The following IRAG1 variants were observed in gnomAD, a reference collection of about 807,000 sequenced individuals.
IRAG1 encodes the protein IP3R-associated cGMP kinase substrate.
Under a neutral mutation model 106.2 loss-of-function variants are expected in IRAG1, and 62 were observed. That is an observed-to-expected ratio of 0.58 (90% confidence interval 0.48 to 0.72). The LOEUF (loss-of-function observed/expected upper bound fraction) is 0.72, where lower values mean the gene tolerates loss of function less well. Ranked by LOEUF, IRAG1 falls within the 30% of genes least tolerant of loss-of-function variation. The probability of loss-of-function intolerance (pLI) is 0.00; values close to 1 mark genes in which losing one functional copy is unlikely to be tolerated. For missense variants in IRAG1, 1,064 were observed against 1,140.7 expected, an observed-to-expected ratio of 0.93 and a Z score of 0.97; for synonymous variants, 462 against 443.9, an observed-to-expected ratio of 1.04 and a Z score of -0.51.
At chr11:10,687,495 G>C (rs1476770024) in intron 1 of IRAG1, 2 of 341,768 alleles carry the variant, frequency 5.9e-6, no homozygotes, top group East Asian at 2.0e-4. Flanking sequence ...TGCAATATTA[G>C]AAAACCTACT....
In IRAG1 at chr11:10,626,239, T is replaced by C. The variant is rs1325166246; in HGVS notation, c.1095A>G (p.Pro365=). The C allele has an allele frequency of 6.2e-7, 1 of 1,604,558 alleles. No individual in the cohort carries two copies. The highest frequency in any genetic ancestry group is 1.1e-5 in the South Asian group (1 of 90,368). The change falls in exon 9 of 21, where the codon CCA becomes CCG. Residue 365 remains proline (P), a synonymous_variant. Coordinates refer to ENST00000423302, the MANE Select transcript of IRAG1 (RefSeq NM_130385.4). ...VGPPASQGRG[P]AGEPMGPEAG... The stretch of plus-strand genomic sequence containing the variant: ...CCTCGGGCCCCATCGGCTCTCCAGC[T>C]GGGCCTCTCCCCTGGGAGGCTGGGG...
rs993337055 is a variant in IRAG1, at chr11:10,585,928, C to T, written c.2241-3942G>A. 6 of 151,366 alleles carry T rather than the reference C, an allele frequency of 4.0e-5. No homozygotes were observed. In the South Asian group the frequency reaches 1.0e-3, roughly 26 times the overall value. 9.4% of individuals were successfully genotyped at this position (151,366 alleles called of 1,614,324 possible). On this transcript the variant is annotated intron_variant, in intron 18 of 20. Coordinates refer to ENST00000423302, the MANE Select transcript of IRAG1 (RefSeq NM_130385.4). ...CGCTTTTCTTTCAATAGAAGCCTTC[C>T]ATGAACCCCCACCTTTCTTTCAATA... is the stretch of plus-strand genomic sequence containing the variant.
intron 14 of IRAG1, among the ~76,000 whole-genome samples, chr11:10,601,414 G>T (rs74981341): frequency 0.01 from 1,544 of 152,294 alleles, 44 homozygotes; most frequent in South Asian, 0.088. Flanking sequence ...ACAGCGTTCA[G>T]GCCAGGGAAC....
chr11:10,637,399 G>T (rs1857221408), intron 2 of IRAG1, among the ~76,000 whole-genome samples: 1 of 152,092 alleles, frequency 6.6e-6, no homozygotes, highest in Non-Finnish European at 1.5e-5. Flanking sequence ...CCCCCTAGAA[G>T]AGACACCCAG....
In IRAG1 at chr11:10,596,829, A is replaced by G. The variant is rs79132226; in HGVS notation, c.2018-2634T>C. ...AGCTAGGTTATACTAGTTTAATAGC[A>G]TAGTAATAATAAGCAACTCCAAAGT... On this transcript the variant is annotated intron_variant, in intron 15 of 20. Coordinates refer to ENST00000423302, the MANE Select transcript of IRAG1 (RefSeq NM_130385.4). Among the ~76,000 whole-genome samples, 11 of 152,360 alleles carry G rather than the reference A, an allele frequency of 7.2e-5. No individual in the cohort carries two copies. In the East Asian group the frequency reaches 2.1e-3, roughly 29 times the overall value.
intron 10 of IRAG1, among the ~76,000 whole-genome samples, chr11:10,622,902 C>T (rs1855948185): frequency 6.6e-6 from 1 of 151,782 alleles, no homozygotes; most frequent in South Asian, 2.1e-4. Flanking sequence ...CACACACACA[C>T]TCCTGCCCTT....
At position 10,574,836 on chromosome 11, in the gene IRAG1, T is replaced by C. The variant is rs1177318779; in HGVS notation, c.*1496A>G. 6.6e-6 allele frequency: 1 copy of C among 152,016 alleles called. No individual in the cohort carries two copies. The highest frequency in any genetic ancestry group is 2.4e-5 in the African/African-American group (1 of 41,384). The allele number at this position is 152,016 out of a possible 1,614,324, so 9.4% of individuals were successfully genotyped here. On this transcript the variant is annotated 3_prime_UTR_variant, in exon 21 of 21. Coordinates refer to ENST00000423302, the MANE Select transcript of IRAG1 (RefSeq NM_130385.4). The stretch of plus-strand genomic sequence containing the variant: ...GCTCTGGAGCCAGCCTACCCTGGGG[T>C]TGAGCTCCAGCCCCATGATTTACTA...
intron 10 of IRAG1, among the ~76,000 whole-genome samples, chr11:10,617,877 C>G (rs775403547): frequency 5.9e-5 from 9 of 152,174 alleles, no homozygotes; most frequent in Non-Finnish European, 8.8e-5. Context: ...TTTCCCTATC[C>G]TTTTACCTGG....
chr11:10,680,141 C>CGG (rs1861032396), intron 1 of IRAG1, among the ~76,000 whole-genome samples: 2 of 151,374 alleles, frequency 1.3e-5, no homozygotes, highest in Non-Finnish European at 2.9e-5. Context: ...GGCATGGTGG[C>CGG]GCATGCCTGT....
At chr11:10,577,201 A>C (rs911328216) in intron 20 of IRAG1, among the ~76,000 whole-genome samples, 2 of 152,144 alleles carry the variant, frequency 1.3e-5, no homozygotes, top group Non-Finnish European at 2.9e-5. Flanking sequence ...AGCCTCTAGC[A>C]ATGTCTGGGT....
At chr11:10,673,248 C>T (rs943314905) in intron 1 of IRAG1, among the ~76,000 whole-genome samples, 2 of 152,114 alleles carry the variant, frequency 1.3e-5, no homozygotes, top group Admixed American at 6.5e-5. Flanking sequence ...ATGCCACTTG[C>T]ACTCCAGCCT....
intron 1 of IRAG1, among the ~76,000 whole-genome samples, chr11:10,668,973 CTG>C (rs564356654): frequency 1.7e-4 from 26 of 152,172 alleles, no homozygotes; most frequent in Non-Finnish European, 3.7e-4. Context: ...ACCCAGCACT[CTG>C]TGCTTTGCAG....
At chr11:10,618,255 C>A (rs986081477) in intron 10 of IRAG1, among the ~76,000 whole-genome samples, 1 of 152,182 alleles carries the variant, frequency 6.6e-6, no homozygotes, top group Non-Finnish European at 1.5e-5. Flanking sequence ...CTCCTGAAAA[C>A]CTTCCCTGAC....
intron 1 of IRAG1, chr11:10,687,882 G>C (rs1053960891): frequency 1.9e-6 from 2 of 1,051,902 alleles, no homozygotes; most frequent in Non-Finnish European, 2.5e-6. Flanking sequence ...TTTTTGGGGG[G>C]GGGTGGTATT....
rs149478281 is a variant in IRAG1 at position 10,606,312 on chromosome 11, G to A, written c.1602+430C>T. Among the ~76,000 whole-genome samples, 8 of 152,340 alleles carry A rather than the reference G, an allele frequency of 5.3e-5. No individual in the cohort carries two copies. The East Asian group carries it at 1.2e-3, about 22-fold the overall frequency. ...GACAGCACAGCTTCCCGGCTCCGCT[G>A]AGCTGGCATTCTTGTAGCTGAAACC... is the stretch of plus-strand genomic sequence containing the variant. On this transcript the variant is annotated intron_variant, in intron 12 of 20. Coordinates refer to ENST00000423302, the MANE Select transcript of IRAG1 (RefSeq NM_130385.4).
At chr11:10,601,827 TG>T (rs1378149624) in intron 14 of IRAG1, among the ~76,000 whole-genome samples, 1 of 152,220 alleles carries the variant, frequency 6.6e-6, no homozygotes, top group Non-Finnish European at 1.5e-5. Context: ...AAGCCTGACC[TG>T]GCCCAGTGGA....
At chr11:10,612,382 A>G (rs907204087) in intron 10 of IRAG1, among the ~76,000 whole-genome samples, 1 of 152,228 alleles carries the variant, frequency 6.6e-6, no homozygotes, top group Non-Finnish European at 1.5e-5. Flanking sequence ...GAAAAAGAGA[A>G]GAAACCAATT....
intron 1 of IRAG1, among the ~76,000 whole-genome samples, chr11:10,654,946 T>C (rs1475075099): frequency 6.6e-6 from 1 of 152,202 alleles, no homozygotes; most frequent in Non-Finnish European, 1.5e-5. Flanking sequence ...ACTGTATGAA[T>C]AAACTGAGCA....
intron 15 of IRAG1, among the ~76,000 whole-genome samples, chr11:10,598,061 G>GTGAT (rs1409702663): frequency 2.0e-5 from 3 of 152,202 alleles, no homozygotes; most frequent in Non-Finnish European, 2.9e-5. Flanking sequence ...CTGCTGGTTG[G>GTGAT]TGATTATTAT....
Sources: gnomAD v4.1 joint callset for allele counts (sites outside exome capture counted in the v4.1 genomes callset) on GRCh38, gnomAD v4.1.1 for gene constraint, MANE v1.5 for transcripts, NCBI Gene and HGNC (gene_info 2026-07-23, HGNC 2026-07-21) for gene names.